The following LTBP1 variants were observed in gnomAD, a reference collection of about 807,000 sequenced individuals.
LTBP1 encodes the protein latent-transforming growth factor beta-binding protein 1.
LTBP1 carries 129 observed loss-of-function variants against 207.6 expected under a neutral mutation model. The ratio of observed to expected loss-of-function variants is 0.62; its 90% CI spans 0.54 to 0.72. The LOEUF (loss-of-function observed/expected upper bound fraction) is 0.72, where lower values mean the gene tolerates loss of function less well. LTBP1 is among the 30% of genes least tolerant of loss of function. LTBP1 has a pLI of 0.00. For synonymous variants in LTBP1, 963 were observed against 833.7 expected (o/e 1.16, Z -2.67); for missense variants, 2,281 against 2,217.2 (o/e 1.03, Z -0.58).
chr2:33,170,187 G>A (rs369124651), intron 5 of LTBP1, among the ~76,000 whole-genome samples: 2 of 152,172 alleles, frequency 1.3e-5, no homozygotes, highest in African/African-American at 2.4e-5. Context: ...TGCTCGAGCC[G>A]AAGCAGGGCG....
intron 3 of LTBP1, among the ~76,000 whole-genome samples, chr2:33,027,963 A>G (rs934988563): frequency 2.6e-5 from 4 of 152,254 alleles, no homozygotes; most frequent in Non-Finnish European, 5.9e-5. Flanking sequence ...GTTTGATCAT[A>G]TCATTAGCTA....
intron 3 of LTBP1, among the ~76,000 whole-genome samples, chr2:33,062,697 A>G (rs1231332782): frequency 1.3e-5 from 2 of 152,184 alleles, no homozygotes; most frequent in South Asian, 2.1e-4. Flanking sequence ...CTCTTTATCC[A>G]TGAGAGGATA....
At chr2:32,956,695 T>C (rs1678127270) in intron 2 of LTBP1, among the ~76,000 whole-genome samples, 1 of 152,242 alleles carries the variant, frequency 6.6e-6, no homozygotes, top group South Asian at 2.1e-4. Context: ...ATGTTCTTAA[T>C]GGCATCTAGA....
intron 10 of LTBP1, among the ~76,000 whole-genome samples, chr2:33,248,928 G>A (rs1010131987): frequency 1.3e-5 from 2 of 152,068 alleles, no homozygotes; most frequent in Admixed American, 6.6e-5. Flanking sequence ...AGTGCCCAGT[G>A]GTTCTTACTG....
At chr2:33,274,291 A>G (rs2093380538) in intron 16 of LTBP1, among the ~76,000 whole-genome samples, 1 of 151,762 alleles carries the variant, frequency 6.6e-6, no homozygotes, top group South Asian at 2.1e-4. Context: ...AAAGATATGC[A>G]GTAGAGTTAA....
At chr2:33,158,163 AAAG>A (rs1227221215) in intron 5 of LTBP1, among the ~76,000 whole-genome samples, 2 of 141,486 alleles carry the variant, frequency 1.4e-5, no homozygotes, top group African/African-American at 2.5e-5. Flanking sequence ...AAAAAAAAAA[AAAG>A]AGAGAGAGAG....
chr2:33,391,825 T>C (rs1259803672), intron 32 of LTBP1, among the ~76,000 whole-genome samples: 2 of 152,230 alleles, frequency 1.3e-5, no homozygotes, highest in Admixed American at 1.3e-4. Flanking sequence ...ACTACACATG[T>C]TAAGAAATAA....
At chr2:32,982,418 T>C (rs1003448791) in intron 2 of LTBP1, among the ~76,000 whole-genome samples, 2 of 152,142 alleles carry the variant, frequency 1.3e-5, no homozygotes, top group Admixed American at 6.5e-5. Context: ...ACCAATTTTC[T>C]GGGGAGAAAC....
At chr2:33,102,712 A>G (rs1342823646) in intron 3 of LTBP1, among the ~76,000 whole-genome samples, 2 of 152,010 alleles carry the variant, frequency 1.3e-5, no homozygotes, top group South Asian at 4.1e-4. Context: ...TGGTTTTCCC[A>G]TATTCTTTAC....
intron 3 of LTBP1, among the ~76,000 whole-genome samples, chr2:33,048,081 A>G (rs1208934006): frequency 6.6e-6 from 1 of 152,186 alleles, no homozygotes; most frequent in East Asian, 1.9e-4. Flanking sequence ...TAAGAGCCGT[A>G]GCATTGTTGC....
chr2:33,023,776 A>T (rs2149250175), intron 3 of LTBP1, among the ~76,000 whole-genome samples: 1 of 152,372 alleles, frequency 6.6e-6, no homozygotes, highest in African/African-American at 2.4e-5. Context: ...AAAGCTATAG[A>T]ATTAGCCCTT....
At chr2:33,089,000 A>T (rs540854030) in intron 3 of LTBP1, among the ~76,000 whole-genome samples, 1 of 151,790 alleles carries the variant, frequency 6.6e-6, no homozygotes, top group African/African-American at 2.4e-5. Flanking sequence ...TACTAAAAAT[A>T]CAAAAATTAG....
At chr2:33,026,762 A>G (rs1162566414) in intron 3 of LTBP1, among the ~76,000 whole-genome samples, 1 of 152,268 alleles carries the variant, frequency 6.6e-6, no homozygotes, top group Non-Finnish European at 1.5e-5. Context: ...TTATCGTGTT[A>G]TACATATTTA....
intron 2 of LTBP1, among the ~76,000 whole-genome samples, chr2:32,949,862 C>A (rs41396246): frequency 6.6e-6 from 1 of 152,144 alleles, no homozygotes; most frequent in Non-Finnish European, 1.5e-5. Flanking sequence ...AAAATGTCTT[C>A]AATCCTGAAG....
At chr2:33,244,497 T>G (rs2092442517) in intron 10 of LTBP1, among the ~76,000 whole-genome samples, 1 of 152,140 alleles carries the variant, frequency 6.6e-6, no homozygotes, top group African/African-American at 2.4e-5. Flanking sequence ...CCTCTCCGTG[T>G]AAATTAATCC....
At chr2:33,043,561 G>A (rs1158491348) in intron 3 of LTBP1, among the ~76,000 whole-genome samples, 1 of 152,144 alleles carries the variant, frequency 6.6e-6, no homozygotes, top group Non-Finnish European at 1.5e-5. Flanking sequence ...TGGAGGGAGA[G>A]AGTGTTTCAG....
chr2:33,048,342 T>TA (rs2076549958), intron 3 of LTBP1, among the ~76,000 whole-genome samples: 1 of 152,280 alleles, frequency 6.6e-6, no homozygotes, highest in South Asian at 2.1e-4. Flanking sequence ...GGGAGTGCAG[T>TA]AAAAATCCTT....
chr2:33,314,153 G>A (rs2094228355), intron 23 of LTBP1, among the ~76,000 whole-genome samples: 3 of 152,150 alleles, frequency 2.0e-5, no homozygotes, highest in Admixed American at 6.5e-5. Flanking sequence ...CTTAATAGTA[G>A]TTATTGCTTT....
chr2:33,138,532 G>T (rs527705021), intron 5 of LTBP1, among the ~76,000 whole-genome samples: 11 of 152,016 alleles, frequency 7.2e-5, no homozygotes, highest in South Asian at 4.2e-4. Flanking sequence ...TGGGTGGGCT[G>T]CAGGTTCACC....
Sources: allele counts gnomAD v4.1 joint callset (sites outside exome capture counted in the v4.1 genomes callset), GRCh38; gene constraint gnomAD v4.1.1; transcripts MANE v1.5; gene names NCBI Gene and HGNC (gene_info 2026-07-23, HGNC 2026-07-21).